The following BOD1L1 variants were observed in gnomAD, a reference collection of about 807,000 sequenced individuals.
BOD1L1 encodes biorientation of chromosomes in cell division 1 like 1.
A neutral mutation model predicts 240.7 loss-of-function variants in BOD1L1; 86 were observed. That is an observed-to-expected ratio of 0.36 (90% confidence interval 0.30 to 0.43). BOD1L1 has a LOEUF of 0.43. Ranked by LOEUF, BOD1L1 falls within the 20% of genes least tolerant of loss-of-function variation. The pLI is 1.00. For synonymous variants in BOD1L1, 1,268 were observed against 1,272.3 expected, an observed-to-expected ratio of 1.00 and a Z score of 0.07; for missense variants, 3,554 against 3,643.5, an observed-to-expected ratio of 0.98 and a Z score of 0.63.
intron 12 of BOD1L1, among the ~76,000 whole-genome samples, chr4:13,594,989 A>G (rs1227479058): frequency 6.6e-6 from 1 of 152,252 alleles, no homozygotes; most frequent in Non-Finnish European, 1.5e-5. Flanking sequence ...AATCAAAACA[A>G]TAAACAGCAA....
intron 18 of BOD1L1, 128 bp downstream of exon 18, chr4:13,582,524 A>G (rs1010276780): frequency 5.4e-6 from 4 of 746,654 alleles, no homozygotes; most frequent in Admixed American, 2.7e-5. Context: ...CCCTAGCCCT[A>G]TTAATCTTAA....
chr4:13,576,712 T>C, intron 25 of BOD1L1, 126 bp downstream of exon 25: 1 of 1,266,088 alleles, frequency 7.9e-7, no homozygotes, highest in Non-Finnish European at 1.1e-6. Flanking sequence ...ACAATAAAAA[T>C]GAAAGGGAAG....
chr4:13,579,867 A>C, intron 22 of BOD1L1, 61 bp downstream of exon 22: 1 of 1,386,926 alleles, frequency 7.2e-7, no homozygotes, highest in Non-Finnish European at 9.9e-7. Flanking sequence ...ACCTTCTCCA[A>C]CAGCCAGCCT....
chr4:13,611,010 T>G lies in BOD1L1; in HGVS notation c.1415A>C (p.His472Pro), dbSNP rs753397168. ...GTATTTTGAGTAAAGATATGGTTTGTGGACATACGCATGCCGTACACTTTT... is the reference window on the plus strand; with the variant it reads ...GTATTTTGAGTAAAGATATGGTTTGGGGACATACGCATGCCGTACACTTTT... ...KTKSVRHAYVHKPYLYSKYYS... is the reference protein window; with the variant it reads ...KTKSVRHAYVPKPYLYSKYYS... Residue 472 changes from histidine to proline, a missense_variant, in exon 6 of 26, where the codon CAC becomes CCC. This residue lies in a region of BOD1L1 where 3,393 missense variants were observed against 3,427.1 expected (regional missense o/e 0.99). Coordinates refer to ENST00000040738, the MANE Select transcript of BOD1L1 (RefSeq NM_148894.3). The G allele has an allele frequency of 6.2e-7, 1 of 1,612,672 alleles. No homozygotes were observed. Among genetic ancestry groups the G allele is most frequent in the Admixed American group, 1.7e-5 (1 of 59,878 alleles).
chr4:13,603,017 A>T lies in BOD1L1; in HGVS notation c.3883T>A (p.Ser1295Thr). 6.2e-7 allele frequency: 1 copy of T among 1,614,008 alleles called. No individual in the cohort carries two copies. Among genetic ancestry groups the T allele is most frequent in the Admixed American group, 1.7e-5 (1 of 60,028 alleles). ...SSVTVVPLRE[S>T]YDPDVIPLFD... ...AGAGGAATTACATCTGGATCATACG[A>T]TTCCCTCAGAGGCACAACAGTCACT... is the stretch of plus-strand genomic sequence containing the variant. The change falls in exon 10 of 26, where the codon TCG (serine) becomes ACG (threonine). Residue 1295 changes from serine to threonine, a missense_variant. Around this residue, in one of 2 missense-constraint regions of BOD1L1, gnomAD observed 3,393 missense variants for 3,427.1 expected, o/e 0.99. Transcript: ENST00000040738.
chr4:13,582,812 T>C (rs1713345312), intron 17 of BOD1L1, 76 bp from the exon 18 acceptor site: 1 of 1,011,370 alleles, frequency 9.9e-7, no homozygotes, highest in Non-Finnish European at 1.5e-6. Flanking sequence ...CACACAAGTT[T>C]GCCTTTCTAT....
chr4:13,571,767 G>A (rs1490223730), intron 25 of BOD1L1, among the ~76,000 whole-genome samples: 2 of 152,164 alleles, frequency 1.3e-5, no homozygotes, highest in African/African-American at 4.8e-5. Context: ...TTGACTGCAT[G>A]TTCAATTTTG....
intron 13 of BOD1L1, 24 bp from the exon 14 acceptor site, chr4:13,590,470 T>C: frequency 8.0e-7 from 1 of 1,243,962 alleles, no homozygotes. Context: ...ATAAAAGATA[T>C]TTATGGATAG....
chr4:13,577,033 A>G lies in BOD1L1; in HGVS notation c.8885-42T>C, dbSNP rs777412027. The G allele has an allele frequency of 3.1e-6, 5 of 1,601,810 alleles. No individual in the cohort carries two copies. The African/African-American group carries it at 6.7e-5, about 22-fold the overall frequency. On this transcript the variant is annotated intron_variant, in intron 24 of 25. Transcript: ENST00000040738. Reference sequence around the variant, plus strand: ...GTAACACCTGGATTTTACAATTCCCAAAGATACTTCCAAGAGAGAGAGTCA... The same window carrying G: ...GTAACACCTGGATTTTACAATTCCCGAAGATACTTCCAAGAGAGAGAGTCA...
chr4:13,584,489 C>T (rs766866065), intron 17 of BOD1L1, among the ~76,000 whole-genome samples: 15 of 138,600 alleles, frequency 1.1e-4, no homozygotes, highest in East Asian at 4.5e-4. Flanking sequence ...TGTGTTGGAG[C>T]GAGTTTAGGA....
chr4:13,581,645 C>T (rs559578357), intron 19 of BOD1L1, among the ~76,000 whole-genome samples: 5 of 152,130 alleles, frequency 3.3e-5, no homozygotes, highest in African/African-American at 7.2e-5. Context: ...TTATCTAGAC[C>T]CGGCTAGTGC....
intron 15 of BOD1L1, 86 bp downstream of exon 15, chr4:13,588,636 A>G: frequency 2.0e-6 from 2 of 1,002,954 alleles, no homozygotes; most frequent in African/African-American, 1.6e-5. Flanking sequence ...TTATACAAAG[A>G]AATAAAGCCT....
At position 13,601,800 on chromosome 4, in the gene BOD1L1, T is replaced by C; in HGVS notation, c.5100A>G (p.Gly1700=). The change falls in exon 10 of 26, where the codon GGA becomes GGG. Residue 1700 remains glycine (G), a synonymous_variant. Coordinates refer to ENST00000040738, the MANE Select transcript of BOD1L1 (RefSeq NM_148894.3). The stretch of plus-strand genomic sequence containing the variant: ...CATCCACCTCTTCACTGCTTATAGA[T>C]CCTGCTCTTATCTCTGTTCCAGCAC... ...VTSAGTEIRA[G]SISSEEVDGS... is the part of the protein sequence containing the mutation. The C allele has an allele frequency of 6.2e-7, 1 of 1,614,010 alleles. No homozygotes were observed. Among genetic ancestry groups the C allele is most frequent in the Non-Finnish European group, 8.5e-7 (1 of 1,179,896 alleles).
At position 13,602,963 on chromosome 4, in the gene BOD1L1, T is replaced by C. The variant is rs143286649; in HGVS notation, c.3937A>G (p.Ser1313Gly). ...TCCGCAGGGGAGGTGCTGGCTGTGCTACCTTCCAAAACAGTTCTTTTGTCA... is the reference window on the plus strand; with the variant it reads ...TCCGCAGGGGAGGTGCTGGCTGTGCCACCTTCCAAAACAGTTCTTTTGTCA... ...LFDKRTVLEG[S>G]TASTSPADHS... Residue 1313 changes from serine to glycine, a missense_variant, in exon 10 of 26, where the codon AGC (serine) becomes GGC (glycine). Ser to Gly is a moderately conservative substitution (Grantham distance 56, BLOSUM62 0). Coordinates refer to ENST00000040738, the MANE Select transcript of BOD1L1 (RefSeq NM_148894.3). The C allele has an allele frequency of 4.7e-5, 76 of 1,613,914 alleles. No individual in the cohort carries two copies. The African/African-American group carries it at 9.3e-4, about 20-fold the overall frequency.
In BOD1L1 at chr4:13,602,075, TTG is replaced by T. The variant is rs1186120890; in HGVS notation, c.4823_4824del (p.Thr1608LysfsTer3). On this transcript the variant is annotated frameshift_variant, in exon 10 of 26. Transcript: ENST00000040738. LOFTEE classifies it high-confidence loss of function. ...EGFAESETFL[T>X]STKEGESGEC... is the part of the protein sequence containing the mutation. ...TCCCCACTTTCCCCTTCCTTAGTGC[TTG>T]TGAGGAAGGTTTCACTTTCAGCAAA... The T allele has an allele frequency of 6.2e-7, 1 of 1,614,042 alleles. No individual in the cohort carries two copies. Among genetic ancestry groups the T allele is most frequent in the Non-Finnish European group, 8.5e-7 (1 of 1,179,902 alleles).
Position 13,608,653 on chromosome 4 carries a change from T to C in BOD1L1, c.1619A>G (p.Asp540Gly). The C allele has an allele frequency of 1.3e-6, 2 of 1,507,070 alleles. No individual in the cohort carries two copies. Among genetic ancestry groups the C allele is most frequent in the Non-Finnish European group, 8.8e-7 (1 of 1,131,742 alleles). The allele number at this position is 1,507,070 out of a possible 1,614,324, so 93.4% of individuals were successfully genotyped here. The change falls in exon 8 of 26, where the codon GAC (aspartate) becomes GGC (glycine). Residue 540 changes from aspartate (D) to glycine (G), a missense_variant. Coordinates refer to ENST00000040738, the MANE Select transcript of BOD1L1 (RefSeq NM_148894.3). ...ACTCTTTGTTGATGATTCTTCTAAG[T>C]CCACACTACTCCTGCCTAGAAAAGA... Reference protein sequence around the residue: ...KTKGQGRSSVDLEESSTKSLE... With the variant: ...KTKGQGRSSVGLEESSTKSLE...
At chr4:13,586,606 A>G (rs985505479) in intron 16 of BOD1L1, 131 bp from the exon 17 acceptor site, 39 of 500,276 alleles carry the variant, frequency 7.8e-5, no homozygotes, top group South Asian at 1.2e-4. Context: ...AAGTTACTCT[A>G]TATTTATAAT....
At chr4:13,581,285 T>A in intron 19 of BOD1L1, 78 bp from the exon 20 acceptor site, 1 of 1,078,500 alleles carries the variant, frequency 9.3e-7, no homozygotes, top group Non-Finnish European at 1.3e-6. Context: ...TTCTCAAAAA[T>A]CAGATTTAGA....
intron 12 of BOD1L1, chr4:13,592,269 A>T (rs1714277648): frequency 3.4e-6 from 1 of 290,474 alleles, no homozygotes; most frequent in South Asian, 6.7e-5. Flanking sequence ...GCTTAGAAAA[A>T]AAGTAAAAGA....
Sources: allele counts gnomAD v4.1 joint callset (sites outside exome capture counted in the v4.1 genomes callset), GRCh38; gene constraint gnomAD v4.1.1; regional missense constraint gnomAD v4.1.1; transcripts MANE v1.5; gene names NCBI Gene and HGNC (gene_info 2026-07-23, HGNC 2026-07-21).